Variants in FILIP1L observed in about 807,000 individuals in gnomAD.
FILIP1L encodes the protein filamin A-interacting protein 1-like.
Under a neutral mutation model 96.6 loss-of-function variants are expected in FILIP1L, and 55 were observed. The observed-to-expected ratio is 0.57, with a 90% CI of 0.46 to 0.71. The LOEUF (loss-of-function observed/expected upper bound fraction) is 0.71. Among genes scored for constraint, FILIP1L ranks in the 30% least tolerant of loss-of-function variants. The probability of loss-of-function intolerance (pLI) is 0.00; values close to 1 mark genes in which losing one functional copy is unlikely to be tolerated. For missense variants in FILIP1L, 1,304 were observed against 1,321.2 expected (o/e 0.99, Z 0.20); for synonymous variants, 467 against 473.9 (o/e 0.99, Z 0.19).
intron 2 of FILIP1L, 46 bp from the exon 3 acceptor site, chr3:99,930,075 C>A: frequency 6.7e-7 from 1 of 1,485,532 alleles, no homozygotes; most frequent in Non-Finnish European, 9.0e-7. Flanking sequence ...TCTCTACCAG[C>A]AGTCTCAGCA....
intron 4 of FILIP1L, among the ~76,000 whole-genome samples, chr3:99,895,162 TTATA>T (rs55652715): frequency 1.3e-5 from 2 of 151,738 alleles, no homozygotes; most frequent in East Asian, 3.9e-4. Flanking sequence ...CAGAGAATGC[TTATA>T]TATATATAGT....
intron 1 of FILIP1L, among the ~76,000 whole-genome samples, chr3:99,985,004 ATACTT>A (rs1320294944): frequency 2.6e-5 from 4 of 152,218 alleles, no homozygotes; most frequent in Admixed American, 2.6e-4. Flanking sequence ...TTAAAAATAA[ATACTT>A]AAAGGGGTTG....
chr3:99,879,905 G>A (rs544828019), intron 4 of FILIP1L, among the ~76,000 whole-genome samples: 1 of 152,274 alleles, frequency 6.6e-6, no homozygotes, highest in South Asian at 2.1e-4. Flanking sequence ...TAGTTCCATG[G>A]TCCTGCATTG....
At chr3:99,929,802 G>C in intron 3 of FILIP1L, 54 bp downstream of exon 3, 4 of 1,345,642 alleles carry the variant, frequency 3.0e-6, no homozygotes, top group Non-Finnish European at 4.1e-6. Context: ...ATGCTCATCT[G>C]CAGGGCTAGT....
At chr3:99,927,344 A>G (rs1016999644) in intron 3 of FILIP1L, among the ~76,000 whole-genome samples, 2 of 151,766 alleles carry the variant, frequency 1.3e-5, no homozygotes, top group African/African-American at 4.8e-5. Flanking sequence ...GCCTTGGTAA[A>G]TCCAAAATGT....
intron 4 of FILIP1L, among the ~76,000 whole-genome samples, chr3:99,852,097 A>C (rs951339090): frequency 6.6e-6 from 1 of 152,206 alleles, no homozygotes; most frequent in Non-Finnish European, 1.5e-5. Context: ...GGTATTTTAC[A>C]TGTAGTATAA....
intron 1 of FILIP1L, among the ~76,000 whole-genome samples, chr3:100,038,871 A>T (rs2065154740): frequency 6.6e-6 from 1 of 152,144 alleles, no homozygotes; most frequent in Non-Finnish European, 1.5e-5. Flanking sequence ...AGTACAGAAC[A>T]TATTGTCTAT....
intron 1 of FILIP1L, among the ~76,000 whole-genome samples, chr3:99,971,333 C>CAAA (rs34655586): frequency 4.1e-5 from 5 of 121,490 alleles, no homozygotes; most frequent in Non-Finnish European, 5.2e-5. Flanking sequence ...GAGCCCATCT[C>CAAA]AAAAAAAAAA....
intron 1 of FILIP1L, among the ~76,000 whole-genome samples, chr3:100,036,468 G>A (rs926998147): frequency 5.9e-5 from 9 of 152,224 alleles, no homozygotes; most frequent in Admixed American, 2.0e-4. Context: ...TTATAAAATG[G>A]AAGGTGACCC....
intron 1 of FILIP1L, among the ~76,000 whole-genome samples, chr3:100,100,325 A>G (rs2066283300): frequency 6.6e-6 from 1 of 152,148 alleles, no homozygotes; most frequent in African/African-American, 2.4e-5. Flanking sequence ...AAAAATAGCA[A>G]TATTTGTCAT....
At chr3:100,093,776 C>T (rs568782313) in intron 1 of FILIP1L, among the ~76,000 whole-genome samples, 1 of 152,324 alleles carries the variant, frequency 6.6e-6, no homozygotes, top group Non-Finnish European at 1.5e-5. Context: ...ACTTCAAAAA[C>T]AGTATATAAA....
At chr3:100,047,040 T>C (rs1382521196) in intron 1 of FILIP1L, among the ~76,000 whole-genome samples, 1 of 152,216 alleles carries the variant, frequency 6.6e-6, no homozygotes, top group Non-Finnish European at 1.5e-5. Context: ...CAAGATAAAA[T>C]GTAAAGGGTA....
intron 1 of FILIP1L, among the ~76,000 whole-genome samples, chr3:100,087,272 A>G (rs1246806245): frequency 3.9e-5 from 6 of 152,244 alleles, no homozygotes; most frequent in Non-Finnish European, 1.5e-5. Flanking sequence ...AAGAACTGCC[A>G]AACTGTTTTC....
rs151246882 is a variant in FILIP1L at position 100,108,393 on chromosome 3, T to C, written c.-11+5660A>G. ...TGTGTCACTAACTGTGCTTATTACT[T>C]ACCAAGGCAGGTACAATTCTTATCT... On this transcript the variant is annotated intron_variant, in intron 1 of 5. Transcript: ENST00000477258. 3.2e-3 allele frequency among the ~76,000 whole-genome samples: 487 copies of C among 152,304 alleles called. 4 individuals carry two copies. The highest frequency in any genetic ancestry group is 0.011 in the African/African-American group (475 of 41,578).
At chr3:100,073,272 A>G (rs2065792142) in intron 1 of FILIP1L, among the ~76,000 whole-genome samples, 1 of 152,176 alleles carries the variant, frequency 6.6e-6, no homozygotes, top group Admixed American at 6.5e-5. Context: ...GACTATTTTC[A>G]TCCTACAACA....
intron 1 of FILIP1L, among the ~76,000 whole-genome samples, chr3:100,032,262 A>T (rs946490448): frequency 2.0e-5 from 3 of 152,210 alleles, no homozygotes; most frequent in African/African-American, 7.2e-5. Flanking sequence ...TTGGCCCTTG[A>T]TTCTGTTTTA....
At chr3:99,924,683 T>C (rs762098066) in intron 3 of FILIP1L, among the ~76,000 whole-genome samples, 3 of 152,032 alleles carry the variant, frequency 2.0e-5, no homozygotes, top group East Asian at 1.9e-4. Flanking sequence ...CATGCCCAAC[T>C]AATTTTTTTT....
chr3:100,000,261 A>C (rs1037245456), intron 1 of FILIP1L, among the ~76,000 whole-genome samples: 5 of 152,206 alleles, frequency 3.3e-5, no homozygotes, highest in African/African-American at 1.2e-4. Context: ...TTTTGTAGGA[A>C]AAAAGTCATC....
At chr3:100,014,233 A>T (rs772374845) in intron 1 of FILIP1L, among the ~76,000 whole-genome samples, 3 of 151,492 alleles carry the variant, frequency 2.0e-5, no homozygotes, top group Admixed American at 6.6e-5. Flanking sequence ...TTCTTTATCC[A>T]TTCATCTGTC....
Sources: allele counts gnomAD v4.1 joint callset (sites outside exome capture counted in the v4.1 genomes callset), GRCh38; gene constraint gnomAD v4.1.1; transcripts MANE v1.5; gene names NCBI Gene and HGNC (gene_info 2026-07-23, HGNC 2026-07-21).